The following SEL1L3 variants were observed in gnomAD, a reference collection of about 807,000 sequenced individuals.
SEL1L3 encodes the protein protein sel-1 homolog 3.
Under a neutral mutation model 142.8 loss-of-function variants are expected in SEL1L3, and 76 were observed. The ratio of observed to expected loss-of-function variants is 0.53; its 90% CI spans 0.44 to 0.64. SEL1L3 has a LOEUF of 0.64. SEL1L3 is among the 30% of genes least tolerant of loss of function. The pLI is 0.00. For synonymous variants in SEL1L3, 504 were observed against 519.6 expected (o/e 0.97, Z 0.41); for missense variants, 1,262 against 1,381.7 (o/e 0.91, Z 1.37).
intron 5 of SEL1L3, among the ~76,000 whole-genome samples, chr4:25,831,508 A>AT (rs1473047521): frequency 5.5e-3 from 412 of 75,132 alleles, no homozygotes; most frequent in East Asian, 0.012. Context: ...AATAATAATA[A>AT]TAATTATTAT....
intron 2 of SEL1L3, among the ~76,000 whole-genome samples, chr4:25,839,817 A>G (rs890627634): frequency 3.2e-5 from 4 of 125,304 alleles, no homozygotes; most frequent in African/African-American, 9.9e-5. Context: ...ACGAAAGAAA[A>G]GAACAAAAGC....
the SEL1L3 span, among the ~76,000 whole-genome samples, chr4:25,736,013 T>C: frequency 1.3e-5 from 2 of 151,408 alleles, no homozygotes. Context: ...GTATTTTTAG[T>C]AGAGACGGGG....
intron 1 of SEL1L3, among the ~76,000 whole-genome samples, chr4:25,861,556 A>G (rs1717704956): frequency 6.6e-6 from 1 of 152,160 alleles, no homozygotes; most frequent in Admixed American, 6.5e-5. Flanking sequence ...AGCAGTTTTT[A>G]GCTTCCAAAA....
At chr4:25,784,357 T>A in intron 13 of SEL1L3, 67 bp from the exon 14 acceptor site, 1 of 1,192,754 alleles carries the variant, frequency 8.4e-7, no homozygotes, top group African/African-American at 1.5e-5. Context: ...ACAGACACTT[T>A]AGTGTTGGAT....
In SEL1L3 at chr4:25,754,006, TAA is replaced by T. The variant is rs1717780558; in HGVS notation, c.3259+3526_3259+3527del. Among the ~76,000 whole-genome samples the T allele has an allele frequency of 2.8e-5, 4 of 143,308 alleles. 1 individual carries two copies. The highest frequency in any genetic ancestry group is 1.0e-4 in the African/African-American group (4 of 38,272). The allele number at this position is 143,308 out of a possible 152,430, so 94.0% of individuals were successfully genotyped here. A position where few individuals can be genotyped will look rare whatever the true frequency, so the allele number is the denominator to read the frequency against. ...CAACATAAATAAATAAATAAATAAA[TAA>T]ATAAATAAATAAGGTCAGTTGCAGT... On this transcript the variant is annotated intron_variant, in intron 23 of 23. Coordinates refer to ENST00000399878, the MANE Select transcript of SEL1L3 (RefSeq NM_015187.5).
chr4:25,749,986 C>G (rs1234283069), intron 23 of SEL1L3, among the ~76,000 whole-genome samples: 1 of 152,090 alleles, frequency 6.6e-6, no homozygotes, highest in African/African-American at 2.4e-5. Context: ...GTAATCCCAG[C>G]ACTTCGGGAG....
At chr4:25,760,227 C>T (rs895704178) in intron 20 of SEL1L3, among the ~76,000 whole-genome samples, 2 of 152,144 alleles carry the variant, frequency 1.3e-5, no homozygotes, top group Non-Finnish European at 2.9e-5. Context: ...CAGCTCCATC[C>T]ATGTTCCTGC....
intron 2 of SEL1L3, among the ~76,000 whole-genome samples, chr4:25,839,913 G>C (rs551663973): frequency 3.9e-5 from 6 of 152,208 alleles, no homozygotes; most frequent in Admixed American, 1.3e-4. Context: ...TGCCCAATCC[G>C]CTTCAAAGAC....
intron 1 of SEL1L3, among the ~76,000 whole-genome samples, chr4:25,853,664 CTTTTTTTTT>C (rs34922528): frequency 1.2e-5 from 1 of 83,004 alleles, no homozygotes; most frequent in African/African-American, 5.6e-5. Context: ...CTCTTCTTAC[CTTTTTTTTT>C]TTTTTTTTTT....
intron 20 of SEL1L3, among the ~76,000 whole-genome samples, chr4:25,762,120 T>A (rs1718414168): frequency 2.6e-5 from 4 of 152,194 alleles, no homozygotes; most frequent in Non-Finnish European, 5.9e-5. Flanking sequence ...AGCTAATTTT[T>A]GTATTTTTAG....
chr4:25,757,816 G>C, intron 21 of SEL1L3, 26 bp from the exon 22 acceptor site: 8 of 1,535,436 alleles, frequency 5.2e-6, no homozygotes, highest in Non-Finnish European at 7.1e-6. Flanking sequence ...AGGGCATCTT[G>C]ACGTGTCAGC....
In SEL1L3 at chr4:25,765,356, G is replaced by A. The variant is rs558825909; in HGVS notation, c.2925C>T (p.Tyr975=). 2.2e-5 allele frequency: 36 copies of A among 1,613,674 alleles called. No homozygotes were observed. Among genetic ancestry groups the A allele is most frequent in the African/African-American group, 5.3e-5 (4 of 75,036 alleles). Residue 975 remains tyrosine (Y), a synonymous_variant, in exon 20 of 24, where the codon TAC becomes TAT. Coordinates refer to ENST00000399878, the MANE Select transcript of SEL1L3 (RefSeq NM_015187.5). The part of the protein sequence containing the change: ...SQDLELSVQM[Y]AQAALDGDSQ... ...AGTCTCCATCCAGGGCGGCTTGGGC[G>A]TACATCTGCACAGACAACTCCAGGT... is the stretch of plus-strand genomic sequence containing the variant.
the SEL1L3 span, among the ~76,000 whole-genome samples, chr4:25,737,840 G>C: frequency 6.6e-3 from 1,007 of 152,142 alleles, 14 homozygotes; most frequent in South Asian, 0.043. Flanking sequence ...ACACTGTATT[G>C]CTTAGGAAAT....
chr4:25,803,545 G>A (rs1169950516), intron 10 of SEL1L3, among the ~76,000 whole-genome samples: 1 of 152,162 alleles, frequency 6.6e-6, no homozygotes, highest in African/African-American at 2.4e-5. Flanking sequence ...CTGTGCCATC[G>A]GGTACCCAGA....
chr4:25,805,000 T>G (rs555913363), intron 9 of SEL1L3, among the ~76,000 whole-genome samples: 59 of 152,322 alleles, frequency 3.9e-4, no homozygotes, highest in African/African-American at 1.3e-3. Context: ...ATGTGCTGTA[T>G]GTAGCTTAGA....
chr4:25,741,261 A>T, the SEL1L3 span, among the ~76,000 whole-genome samples: 1 of 149,714 alleles, frequency 6.7e-6, no homozygotes, highest in African/African-American at 2.5e-5. Flanking sequence ...CCACCACCAC[A>T]CCCAGCTAAT....
At chr4:25,724,736 CAAAAAAAAAAAAAA>C in the SEL1L3 span, among the ~76,000 whole-genome samples, 1 of 6,008 alleles carries the variant, frequency 1.7e-4, no homozygotes, top group Non-Finnish European at 2.7e-4. Flanking sequence ...GACTCCAACT[CAAAAAAAAAAAAAA>C]AAAAAAAAAA....
intron 1 of SEL1L3, chr4:25,860,504 A>C (rs1717627613): frequency 6.6e-6 from 1 of 152,254 alleles, no homozygotes; most frequent in Admixed American, 6.5e-5. Context: ...CTCCAAGATC[A>C]AGAAGCCTTG....
rs934808935 is a variant in SEL1L3, at chr4:25,769,713, A to G, written c.2670-1883T>C. ...CTGCACTGGTGTCTCAGTTTCCACC[A>G]GGGATTGATGAGGAAAGGAGACAGT... On this transcript the variant is annotated intron_variant, in intron 17 of 23. Transcript: ENST00000399878. 2.0e-5 allele frequency among the ~76,000 whole-genome samples: 3 copies of G among 152,216 alleles called. No individual in the cohort carries two copies. In the East Asian group the frequency reaches 5.8e-4, roughly 29 times the overall value.
Sources: allele counts gnomAD v4.1 joint callset (sites outside exome capture counted in the v4.1 genomes callset), GRCh38; gene constraint gnomAD v4.1.1; transcripts MANE v1.5; gene names NCBI Gene and HGNC (gene_info 2026-07-23, HGNC 2026-07-21).